The following HMGCLL1 variants were observed in gnomAD, a reference collection of about 807,000 sequenced individuals.
HMGCLL1 encodes the protein 3-hydroxymethyl-3-methylglutaryl-CoA lyase, cytoplasmic.
HMGCLL1 carries 36 observed loss-of-function variants against 39.1 expected under a neutral mutation model. That is an observed-to-expected ratio of 0.92 (90% CI 0.71 to 1.22). The LOEUF is 1.22. Among genes scored for constraint, HMGCLL1 ranks in the 50% most tolerant of loss-of-function variants. The pLI is 0.00. For synonymous variants in HMGCLL1, 149 were observed against 144.0 expected (o/e 1.03, Z -0.25); for missense variants, 451 against 416.5 (o/e 1.08, Z -0.72).
At chr6:55,638,259 T>G in the HMGCLL1 span, among the ~76,000 whole-genome samples, 2 of 151,690 alleles carry the variant, frequency 1.3e-5, no homozygotes, top group Non-Finnish European at 2.9e-5. Flanking sequence ...TACAAAAAAT[T>G]AGCTGGGTGT....
chr6:55,484,857 C>G (rs1274109548), intron 7 of HMGCLL1, among the ~76,000 whole-genome samples: 3 of 152,104 alleles, frequency 2.0e-5, no homozygotes, highest in African/African-American at 7.2e-5. Flanking sequence ...CTCAACAGAG[C>G]AGTCAGAATG....
At chr6:55,623,718 C>T in the HMGCLL1 span, among the ~76,000 whole-genome samples, 1 of 149,440 alleles carries the variant, frequency 6.7e-6, no homozygotes, top group Non-Finnish European at 1.5e-5. Context: ...ATATATATTA[C>T]ATATATATGC....
At chr6:55,538,540 T>C (rs956239758) in intron 3 of HMGCLL1, among the ~76,000 whole-genome samples, 2 of 152,140 alleles carry the variant, frequency 1.3e-5, no homozygotes, top group Non-Finnish European at 2.9e-5. Context: ...GAAATATACC[T>C]AGCCTAATCA....
chr6:55,626,988 T>C, the HMGCLL1 span, among the ~76,000 whole-genome samples: 1 of 133,540 alleles, frequency 7.5e-6, no homozygotes, highest in Non-Finnish European at 1.5e-5. Context: ...AACAGCCCAA[T>C]CCAGTCAAGA....
intron 7 of HMGCLL1, among the ~76,000 whole-genome samples, chr6:55,460,680 TTATC>T (rs573403953): frequency 2.6e-5 from 4 of 151,904 alleles, no homozygotes; most frequent in Non-Finnish European, 5.9e-5. Context: ...TTGTATATGT[TTATC>T]TATCCATGGC....
At chr6:55,609,011 G>T in the HMGCLL1 span, among the ~76,000 whole-genome samples, 3 of 152,218 alleles carry the variant, frequency 2.0e-5, no homozygotes, top group Admixed American at 2.0e-4. Flanking sequence ...AGTGAGAGTG[G>T]TACCCAGCCA....
chr6:55,499,860 G>A (rs1213512810), intron 5 of HMGCLL1, among the ~76,000 whole-genome samples: 1 of 151,868 alleles, frequency 6.6e-6, no homozygotes, highest in Non-Finnish European at 1.5e-5. Context: ...AGAGTGTCTA[G>A]TGTGTTTAGA....
the HMGCLL1 span, among the ~76,000 whole-genome samples, chr6:55,656,513 A>G: frequency 2.0e-5 from 3 of 151,936 alleles, no homozygotes; most frequent in African/African-American, 7.2e-5. Flanking sequence ...CACCTTGTGT[A>G]CGTCCCTCCA....
intron 1 of HMGCLL1, among the ~76,000 whole-genome samples, chr6:55,550,199 C>A (rs1204313950): frequency 2.0e-5 from 3 of 151,840 alleles, no homozygotes; most frequent in Non-Finnish European, 4.4e-5. Context: ...GAAATCTATA[C>A]CTTTGGAAAT....
At chr6:55,557,901 C>T (rs1443154280) in intron 1 of HMGCLL1, among the ~76,000 whole-genome samples, 1 of 152,108 alleles carries the variant, frequency 6.6e-6, no homozygotes, top group Non-Finnish European at 1.5e-5. Flanking sequence ...GTTCCACAAC[C>T]TTCTATCCTC....
At chr6:55,531,949 T>C (rs1376540831) in intron 3 of HMGCLL1, among the ~76,000 whole-genome samples, 1 of 152,084 alleles carries the variant, frequency 6.6e-6, no homozygotes, top group Admixed American at 6.5e-5. Flanking sequence ...TCATTATATA[T>C]TATAATGTAT....
chr6:55,452,035 A>C (rs1332485132), intron 7 of HMGCLL1, among the ~76,000 whole-genome samples: 1 of 152,222 alleles, frequency 6.6e-6, no homozygotes, highest in African/African-American at 2.4e-5. Context: ...TAATTGAACA[A>C]ATAATGAGTA....
At chr6:55,447,557 G>A (rs1434959325) in intron 7 of HMGCLL1, among the ~76,000 whole-genome samples, 1 of 151,782 alleles carries the variant, frequency 6.6e-6, no homozygotes, top group Non-Finnish European at 1.5e-5. Flanking sequence ...AATTGAGATA[G>A]AAATGGGAGT....
intron 8 of HMGCLL1, among the ~76,000 whole-genome samples, chr6:55,438,954 T>G (rs1427097914): frequency 6.6e-6 from 1 of 152,058 alleles, no homozygotes; most frequent in Non-Finnish European, 1.5e-5. Flanking sequence ...TGCCATCCAG[T>G]GTCTCATATG....
chr6:55,668,239 A>G, the HMGCLL1 span, among the ~76,000 whole-genome samples: 4 of 151,918 alleles, frequency 2.6e-5, no homozygotes, highest in Admixed American at 2.6e-4. Context: ...GCAAATGCCA[A>G]CTTTGTTCTT....
chr6:55,506,865 A>T (rs4626423), intron 5 of HMGCLL1, among the ~76,000 whole-genome samples: 9 of 151,532 alleles, frequency 5.9e-5, no homozygotes, highest in Non-Finnish European at 1.2e-4. Context: ...TGTATGATGA[A>T]GTTGCTAACA....
intron 7 of HMGCLL1, among the ~76,000 whole-genome samples, chr6:55,473,374 C>A (rs1208169783): frequency 6.6e-6 from 1 of 151,236 alleles, no homozygotes; most frequent in Non-Finnish European, 1.5e-5. Context: ...TTCTTCTGTA[C>A]TTTATCTCCT....
chr6:55,601,714 AAG>A, the HMGCLL1 span, among the ~76,000 whole-genome samples: 2 of 152,144 alleles, frequency 1.3e-5, no homozygotes, highest in East Asian at 3.8e-4. Context: ...TTTTGACTGA[AAG>A]GTAAATTGAA....
intron 1 of HMGCLL1, among the ~76,000 whole-genome samples, chr6:55,572,199 T>C (rs1399616265): frequency 1.3e-5 from 2 of 151,294 alleles, no homozygotes; most frequent in Non-Finnish European, 1.5e-5. Context: ...AGAAAGAGAA[T>C]GTACCCATAT....
Sources: gnomAD v4.1 joint callset for allele counts (sites outside exome capture counted in the v4.1 genomes callset) on GRCh38, gnomAD v4.1.1 for gene constraint, MANE v1.5 for transcripts, NCBI Gene and HGNC (gene_info 2026-07-23, HGNC 2026-07-21) for gene names.